The following SVOPL variants were observed in gnomAD, a reference collection of about 807,000 sequenced individuals.
SVOPL encodes the protein SVOP like, also known as putative transporter SVOPL.
A neutral mutation model predicts 61.0 loss-of-function variants in SVOPL; 60 were observed. That is an observed-to-expected ratio of 0.98 (90% CI 0.80 to 1.22). The LOEUF (loss-of-function observed/expected upper bound fraction) is 1.22, where lower values mean the gene tolerates loss of function less well. Among genes scored for constraint, SVOPL ranks in the 50% most tolerant of loss-of-function variants. The pLI is 0.00. For missense variants in SVOPL, 662 were observed against 643.9 expected (o/e 1.03, Z -0.30); for synonymous variants, 279 against 250.0 (o/e 1.12, Z -1.09).
chr7:138,608,823 A>AC (rs1798869652), intron 14 of SVOPL, among the ~76,000 whole-genome samples: 1 of 152,194 alleles, frequency 6.6e-6, no homozygotes, highest in African/African-American at 2.4e-5. Context: ...GTGTCTATGA[A>AC]CCCCGCACAG....
Position 138,661,870 on chromosome 7 carries a change from T to C in SVOPL, c.345+1204A>G, listed in dbSNP as rs28590006. 8,198 of 968,444 alleles carry C rather than the reference T, an allele frequency of 8.5e-3. 480 individuals are homozygous for C. The African/African-American group carries it at 0.14, about 17-fold the overall frequency. 60.0% of individuals were successfully genotyped at this position (968,444 alleles called of 1,614,324 possible). A position where few individuals can be genotyped will look rare whatever the true frequency, so the allele number is the denominator to read the frequency against. On this transcript the variant is annotated intron_variant, in intron 5 of 15. Coordinates refer to ENST00000674285, the MANE Select transcript of SVOPL (RefSeq NM_001139456.2). ...AAACTCCCTACTTATATTAATTTCG[T>C]CTCTGTTTCTTCCTTTAGGTCAATA...
chr7:138,622,419 C>G (rs998336350), intron 13 of SVOPL, among the ~76,000 whole-genome samples: 3 of 152,146 alleles, frequency 2.0e-5, no homozygotes, highest in Admixed American at 1.3e-4. Flanking sequence ...CTCAGCCTCC[C>G]AAGTAGCTGG....
At position 138,656,625 on chromosome 7, in the gene SVOPL, A is replaced by ATT; in HGVS notation, c.471-116_471-115dup. On this transcript the variant is annotated intron_variant, in intron 6 of 15. Transcript: ENST00000674285. ...AAAGAATTCAAAAGCATAGAAGTTG[A>ATT]TTATATATCAGAAGAGAATTATGAC... is the stretch of plus-strand genomic sequence containing the variant. 3 of 1,080,612 alleles carry ATT rather than the reference A, an allele frequency of 2.8e-6. No homozygotes were observed. The South Asian group carries it at 4.3e-5, about 15-fold the overall frequency. The allele number at this position is 1,080,612 out of a possible 1,614,324, so 66.9% of individuals were successfully genotyped here.
chr7:138,622,090 GTATCTATCTATCTATCTATC>G (rs1206508941), intron 13 of SVOPL, among the ~76,000 whole-genome samples: 8,100 of 35,532 alleles, frequency 0.23, 1,150 homozygotes, highest in East Asian at 0.35. Flanking sequence ...ATCTATCTAT[GTATCTATCTATCTATCTATC>G]TATCTATCTA....
chr7:138,691,580 A>G (rs10279268), intron 1 of SVOPL, among the ~76,000 whole-genome samples: 3,333 of 152,104 alleles, frequency 0.022, 113 homozygotes, highest in African/African-American at 0.077. Flanking sequence ...CGCTCTTGTC[A>G]CCCAGGCTGG....
intron 1 of SVOPL, among the ~76,000 whole-genome samples, chr7:138,700,499 T>G (rs1382959125): frequency 6.6e-6 from 1 of 151,830 alleles, no homozygotes; most frequent in African/African-American, 2.4e-5. Context: ...CCACCATGCA[T>G]GGCTAATTTT....
chr7:138,624,008 C>T (rs1275828792), intron 13 of SVOPL, among the ~76,000 whole-genome samples: 1 of 152,064 alleles, frequency 6.6e-6, no homozygotes, highest in East Asian at 1.9e-4. Context: ...TTAATAGAGA[C>T]GGGGTTTCAC....
chr7:138,659,746 A>G, intron 6 of SVOPL, 118 bp downstream of exon 6: 2 of 1,041,328 alleles, frequency 1.9e-6, no homozygotes, highest in Non-Finnish European at 2.8e-6. Context: ...ATGGACTGAA[A>G]CCTGTCTCAG....
intron 3 of SVOPL, 47 bp from the exon 4 acceptor site, chr7:138,672,164 T>C: frequency 6.6e-7 from 1 of 1,505,218 alleles, no homozygotes; most frequent in African/African-American, 1.4e-5. Flanking sequence ...CAGCTTGTCA[T>C]CACTTCTTCT....
intron 3 of SVOPL, 88 bp from the exon 4 acceptor site, chr7:138,672,205 C>A: frequency 8.1e-7 from 1 of 1,235,802 alleles, no homozygotes; most frequent in South Asian, 1.3e-5. Context: ...CCTACCTAGT[C>A]CTGTCCCCTT....
At chr7:138,623,736 T>C (rs1292180823) in intron 13 of SVOPL, among the ~76,000 whole-genome samples, 1 of 152,266 alleles carries the variant, frequency 6.6e-6, no homozygotes, top group East Asian at 1.9e-4. Context: ...TTTTGGTTTA[T>C]AAATTTACAA....
At chr7:138,604,119 A>G (rs1051538334) in intron 14 of SVOPL, among the ~76,000 whole-genome samples, 1 of 151,354 alleles carries the variant, frequency 6.6e-6, no homozygotes, top group Non-Finnish European at 1.5e-5. Flanking sequence ...ATATGCCACC[A>G]CACCCAGCTA....
At position 138,599,010 on chromosome 7, in the gene SVOPL, AG is replaced by A. The variant is rs761299204; in HGVS notation, c.1354-2481del. ...CAGAGTAGCATGCACCTGTAGTCCC[AG>A]ATACTTGGGAGGTTAAGGCAGGAGG... is the stretch of plus-strand genomic sequence containing the variant. On this transcript the variant is annotated intron_variant, in intron 14 of 15. Coordinates refer to ENST00000674285, the MANE Select transcript of SVOPL (RefSeq NM_001139456.2). Among the ~76,000 whole-genome samples the A allele has an allele frequency of 1.4e-4, 21 of 152,128 alleles. No individual in the cohort carries two copies. In the East Asian group the frequency reaches 2.1e-3, roughly 15 times the overall value.
intron 13 of SVOPL, among the ~76,000 whole-genome samples, chr7:138,622,270 G>GTATGTATCTATC (rs1554457343): frequency 1.2e-5 from 1 of 83,740 alleles, no homozygotes; most frequent in African/African-American, 4.2e-5. Flanking sequence ...ATCTATCTAT[G>GTATGTATCTATC]TATCTATCTA....
chr7:138,645,090 A>G (rs1467974611), intron 8 of SVOPL, among the ~76,000 whole-genome samples: 1 of 152,128 alleles, frequency 6.6e-6, no homozygotes, highest in Non-Finnish European at 1.5e-5. Flanking sequence ...GTTTTGCACC[A>G]ATAGGGCCCA....
chr7:138,686,642 C>T (rs930377322), intron 1 of SVOPL, among the ~76,000 whole-genome samples: 1 of 143,294 alleles, frequency 7.0e-6, no homozygotes, highest in African/African-American at 2.7e-5. Flanking sequence ...CCTGGCTCAC[C>T]GCAACCTCCG....
chr7:138,640,484 A>G (rs534243108), intron 9 of SVOPL, among the ~76,000 whole-genome samples: 72 of 152,242 alleles, frequency 4.7e-4, no homozygotes, highest in Middle Eastern at 3.4e-3. Flanking sequence ...TCCCGACCTC[A>G]GGTAATCCAC....
chr7:138,671,014 A>G (rs1802401999), intron 4 of SVOPL, among the ~76,000 whole-genome samples: 1 of 152,214 alleles, frequency 6.6e-6, no homozygotes, highest in African/African-American at 2.4e-5. Context: ...GAAGTCAATC[A>G]TGCTATTATG....
At chr7:138,673,603 C>G (rs756450521) in intron 3 of SVOPL, among the ~76,000 whole-genome samples, 2 of 152,128 alleles carry the variant, frequency 1.3e-5, no homozygotes, top group Non-Finnish European at 2.9e-5. Context: ...TGAGATCACA[C>G]CACTGCACTC....
Sources: allele counts gnomAD v4.1 joint callset (sites outside exome capture counted in the v4.1 genomes callset), GRCh38; gene constraint gnomAD v4.1.1; transcripts MANE v1.5; gene names NCBI Gene and HGNC (gene_info 2026-07-23, HGNC 2026-07-21).